The following WIPF2 variants were observed in gnomAD, a reference collection of about 807,000 sequenced individuals.
WIPF2 encodes WAS/WASL interacting protein family member 2.
In WIPF2, 23 loss-of-function variants were observed where a neutral mutation model predicts 38.8. The ratio of observed to expected loss-of-function variants is 0.59; its 90% CI spans 0.43 to 0.84. WIPF2 has a LOEUF of 0.84. Ranked by LOEUF, WIPF2 falls within the 40% of genes least tolerant of loss-of-function variation. WIPF2 has a pLI of 0.00. For missense variants in WIPF2, 574 were observed against 580.5 expected (o/e 0.99, Z 0.11); for synonymous variants, 210 against 223.2 (o/e 0.94, Z 0.53).
At chr17:40,253,351 C>T (rs1044904821) in intron 1 of WIPF2, among the ~76,000 whole-genome samples, 4 of 152,312 alleles carry the variant, frequency 2.6e-5, no homozygotes, top group East Asian at 1.9e-4. Context: ...CGTGAGCCAC[C>T]GCGCCCGGCC....
intron 5 of WIPF2, among the ~76,000 whole-genome samples, chr17:40,271,377 C>T (rs559068087): frequency 1.1e-4 from 16 of 152,284 alleles, no homozygotes; most frequent in African/African-American, 3.4e-4. Flanking sequence ...CGTGCTGTGG[C>T]ACATGCCTAT....
chr17:40,240,290 C>T (rs991803264), intron 1 of WIPF2, among the ~76,000 whole-genome samples: 10 of 152,122 alleles, frequency 6.6e-5, no homozygotes, highest in Non-Finnish European at 2.9e-5. Flanking sequence ...GTCTCGAACC[C>T]TTGAGCTCAA....
At chr17:40,235,453 A>G (rs1256608121) in intron 1 of WIPF2, among the ~76,000 whole-genome samples, 2 of 151,730 alleles carry the variant, frequency 1.3e-5, no homozygotes, top group African/African-American at 4.8e-5. Context: ...TGTTTTACGG[A>G]AAGTCACTGA....
chr17:40,224,292 C>T (rs893908422), intron 1 of WIPF2, among the ~76,000 whole-genome samples: 2 of 136,682 alleles, frequency 1.5e-5, no homozygotes, highest in Admixed American at 8.1e-5. Flanking sequence ...AGTGCAGTGG[C>T]GCAATCTCGG....
intron 6 of WIPF2, among the ~76,000 whole-genome samples, chr17:40,274,931 CAAAAAAAAAAAA>C (rs777312230): frequency 1.5e-4 from 7 of 45,580 alleles, no homozygotes; most frequent in Non-Finnish European, 3.1e-4. Context: ...GAATCTGTCT[CAAAAAAAAAAAA>C]AAAAAAAAAA....
In WIPF2 at chr17:40,261,457, C is replaced by G. The variant is rs1361074575; in HGVS notation, c.196+790C>G. Among the ~76,000 whole-genome samples, 4 of 151,984 alleles carry G rather than the reference C, an allele frequency of 2.6e-5. 1 individual carries two copies. The highest frequency in any genetic ancestry group is 5.9e-5 in the Non-Finnish European group (4 of 68,012). ...GGATTATAGGCACGTGCCACCACGCCTGGCTAATTTTTTGTATTTTTAGTA... is the reference window on the plus strand; with the variant it reads ...GGATTATAGGCACGTGCCACCACGCGTGGCTAATTTTTTGTATTTTTAGTA... On this transcript the variant is annotated intron_variant, in intron 3 of 7. Coordinates refer to ENST00000323571, the MANE Select transcript of WIPF2 (RefSeq NM_133264.5).
rs558177223 is a variant in WIPF2, at chr17:40,234,032, C to T, written c.-70+14540C>T. Among the ~76,000 whole-genome samples, 5 of 149,666 alleles carry T rather than the reference C, an allele frequency of 3.3e-5. No homozygotes were observed. In the East Asian group the frequency reaches 1.0e-3, roughly 30 times the overall value. ...GAGCTGAGATTGTGCCATTGCACTC[C>T]AGCCTGGGCAACAAGAAGAAAACTC... is the stretch of plus-strand genomic sequence containing the variant. On this transcript the variant is annotated intron_variant, in intron 1 of 7. Coordinates refer to ENST00000323571, the MANE Select transcript of WIPF2 (RefSeq NM_133264.5).
intron 2 of WIPF2, among the ~76,000 whole-genome samples, chr17:40,259,656 G>A (rs1419929393): frequency 6.6e-6 from 1 of 152,138 alleles, no homozygotes; most frequent in Non-Finnish European, 1.5e-5. Flanking sequence ...AGACAGTAGG[G>A]TATGTTAGTT....
chr17:40,276,739 C>G (rs1011876754), intron 6 of WIPF2, among the ~76,000 whole-genome samples: 2 of 151,976 alleles, frequency 1.3e-5, no homozygotes, highest in African/African-American at 4.8e-5. Flanking sequence ...ATGGTGAAAC[C>G]CCGTCTCTAC....
intron 1 of WIPF2, among the ~76,000 whole-genome samples, chr17:40,224,024 GTCT>G (rs1394146060): frequency 6.6e-6 from 1 of 151,902 alleles, no homozygotes; most frequent in Non-Finnish European, 1.5e-5. Context: ...AGCAAACATA[GTCT>G]TCTTACAACC....
chr17:40,234,681 A>G (rs1012029706), intron 1 of WIPF2, among the ~76,000 whole-genome samples: 2 of 152,122 alleles, frequency 1.3e-5, no homozygotes, highest in Non-Finnish European at 2.9e-5. Context: ...AGATGCTTAC[A>G]AGACCATTGG....
In WIPF2 at chr17:40,277,723, C is replaced by CTTTTTT. The variant is rs528401568; in HGVS notation, c.1283-448_1283-443dup. Among the ~76,000 whole-genome samples, 204 of 97,604 alleles carry CTTTTTT rather than the reference C, an allele frequency of 2.1e-3. 41 individuals carry two copies. The highest frequency in any genetic ancestry group is 0.011 in the African/African-American group (192 of 17,930). 64.0% of individuals were successfully genotyped at this position (97,604 alleles called of 152,430 possible). Reference sequence around the variant, plus strand: ...ATTGCTTCTCATCATCTTCGTTGTCCTTTTTTTTTTTTTTTTTTTGAGATA... The same window carrying CTTTTTT: ...ATTGCTTCTCATCATCTTCGTTGTCCTTTTTTTTTTTTTTTTTTTTTTTTTGAGATA... On this transcript the variant is annotated intron_variant, in intron 7 of 7. Transcript: ENST00000323571.
Position 40,220,605 on chromosome 17 carries a change from A to G in WIPF2, c.-70+1113A>G, listed in dbSNP as rs1298627186. Reference sequence around the variant, plus strand: ...TATATATATATATATATATATATATATATATATATATATGTATATATATAT... The same window carrying G: ...TATATATATATATATATATATATATGTATATATATATATGTATATATATAT... On this transcript the variant is annotated intron_variant, in intron 1 of 7. Transcript: ENST00000323571. 81 of 116,240 alleles carry G rather than the reference A, an allele frequency of 7.0e-4. 1 individual carries two copies. Among genetic ancestry groups the G allele is most frequent in the African/African-American group, 1.5e-3 (40 of 26,296 alleles). The allele number at this position is 116,240 out of a possible 1,614,324, so 7.2% of individuals were successfully genotyped here. A position where few individuals can be genotyped will look rare whatever the true frequency, so the allele number is the denominator to read the frequency against.
chr17:40,254,842 T>C (rs949041489), intron 1 of WIPF2, among the ~76,000 whole-genome samples: 2 of 152,070 alleles, frequency 1.3e-5, no homozygotes, highest in Admixed American at 1.3e-4. Context: ...GCAGTTCTCC[T>C]GTCTGAGCCT....
At chr17:40,254,760 T>TGCC (rs2031667112) in intron 1 of WIPF2, among the ~76,000 whole-genome samples, 3 of 151,920 alleles carry the variant, frequency 2.0e-5, no homozygotes, top group African/African-American at 7.3e-5. Flanking sequence ...GAGACAGAGT[T>TGCC]TCGCTCTGTT....
At chr17:40,224,498 G>T (rs549902109) in intron 1 of WIPF2, among the ~76,000 whole-genome samples, 1 of 147,564 alleles carries the variant, frequency 6.8e-6, no homozygotes, top group Non-Finnish European at 1.5e-5. Context: ...CACCCGCCTC[G>T]GCCTCCCAAA....
At chr17:40,276,767 A>G (rs1490381703) in intron 6 of WIPF2, among the ~76,000 whole-genome samples, 1 of 152,024 alleles carries the variant, frequency 6.6e-6, no homozygotes, top group Non-Finnish European at 1.5e-5. Flanking sequence ...ACAGAAAACT[A>G]GCCGGGTGAG....
At chr17:40,253,379 C>T (rs2031621693) in intron 1 of WIPF2, among the ~76,000 whole-genome samples, 1 of 152,166 alleles carries the variant, frequency 6.6e-6, no homozygotes, top group South Asian at 2.1e-4. Flanking sequence ...CCCTTTGTTT[C>T]CTACTAGCTT....
At chr17:40,262,735 T>TG (rs2031953274) in intron 4 of WIPF2, 94 bp downstream of exon 4, 2 of 992,104 alleles carry the variant, frequency 2.0e-6, no homozygotes, top group South Asian at 1.4e-5. Flanking sequence ...ATGGTAGAGG[T>TG]GGGGGGAAGA....
Sources: gnomAD v4.1 joint callset for allele counts (sites outside exome capture counted in the v4.1 genomes callset) on GRCh38, gnomAD v4.1.1 for gene constraint, MANE v1.5 for transcripts, NCBI Gene and HGNC (gene_info 2026-07-23, HGNC 2026-07-21) for gene names.